The following PFKFB3 variants were observed in gnomAD, a reference collection of about 807,000 sequenced individuals.
PFKFB3 encodes the protein 6-phosphofructo-2-kinase/fructose-2,6-biphosphatase 3, also known as 6-phosphofructo-2-kinase/fructose-2,6-bisphosphatase 3.
PFKFB3 carries 33 observed loss-of-function variants against 68.0 expected under a neutral mutation model. That is an observed-to-expected ratio of 0.49 (90% CI 0.37 to 0.65). PFKFB3 has a LOEUF of 0.65. PFKFB3 is among the 30% of genes least tolerant of loss of function. The pLI, the probability that PFKFB3 is intolerant of heterozygous loss-of-function variation, is 0.00. For missense variants in PFKFB3, 586 were observed against 712.2 expected (o/e 0.82, Z 2.02); for synonymous variants, 315 against 288.2 (o/e 1.09, Z -0.94).
chr10:6,253,205 A>G (rs1846417608), intron 14 of PFKFB3, among the ~76,000 whole-genome samples: 1 of 152,226 alleles, frequency 6.6e-6, no homozygotes, highest in South Asian at 2.1e-4. Flanking sequence ...GGCATGAGCC[A>G]CCATGCCCGG....
At chr10:6,188,466 T>A (rs61551084) in intron 1 of PFKFB3, among the ~76,000 whole-genome samples, 1 of 151,590 alleles carries the variant, frequency 6.6e-6, no homozygotes, top group African/African-American at 2.4e-5. Context: ...TTTTAAACAT[T>A]TTTTTTCAAA....
the PFKFB3 span, among the ~76,000 whole-genome samples, chr10:6,296,761 C>A: frequency 6.6e-6 from 1 of 152,164 alleles, no homozygotes; most frequent in Non-Finnish European, 1.5e-5. Context: ...GTGAGGATGA[C>A]CAGAGGTCAC....
At chr10:6,176,872 C>G (rs1338536544) in intron 1 of PFKFB3, among the ~76,000 whole-genome samples, 2 of 152,160 alleles carry the variant, frequency 1.3e-5, no homozygotes, top group African/African-American at 4.8e-5. Context: ...ACAGAACCCT[C>G]TCTTCAAACA....
At chr10:6,207,372 G>A (rs1843859488) in intron 1 of PFKFB3, among the ~76,000 whole-genome samples, 1 of 152,254 alleles carries the variant, frequency 6.6e-6, no homozygotes, top group Non-Finnish European at 1.5e-5. Flanking sequence ...GTTGCAGTGA[G>A]CCGAGATGGC....
intron 1 of PFKFB3, among the ~76,000 whole-genome samples, chr10:6,175,740 C>T (rs1842445623): frequency 1.3e-5 from 2 of 152,210 alleles, no homozygotes. Flanking sequence ...ACCCAAATGG[C>T]CCGTAAGCAT....
At chr10:6,319,579 A>G in the PFKFB3 span, among the ~76,000 whole-genome samples, 11 of 152,206 alleles carry the variant, frequency 7.2e-5, no homozygotes, top group Non-Finnish European at 1.5e-4. Flanking sequence ...TGGTTACCCT[A>G]ACAGCCCAGA....
chr10:6,275,769 C>A, the PFKFB3 span, among the ~76,000 whole-genome samples: 1 of 152,292 alleles, frequency 6.6e-6, no homozygotes, highest in Non-Finnish European at 1.5e-5. This position sits in a 1 kb window ranked among gnomAD's most constrained non-coding sequence, Gnocchi z 4.9. Context: ...CATGGGCCAC[C>A]ACGCCCGGCT....
chr10:6,283,540 A>AGACGGAGGCCGGAAGACTCAGCCCACGCT, the PFKFB3 span, among the ~76,000 whole-genome samples: 2 of 151,036 alleles, frequency 1.3e-5, no homozygotes, highest in African/African-American at 4.9e-5. Context: ...CATGGGAGAA[A>AGACGGAGGCCGGAAGACTCAGCCCACGCT]GATGGAGGCT....
chr10:6,145,260 C>T (rs1049929147), intron 1 of PFKFB3, among the ~76,000 whole-genome samples: 1 of 151,998 alleles, frequency 6.6e-6, no homozygotes, highest in African/African-American at 2.4e-5. Context: ...CCCTCCGGCC[C>T]CACGCGTCCC....
chr10:6,241,396 A>G (rs1846137788), intron 14 of PFKFB3, among the ~76,000 whole-genome samples: 1 of 151,756 alleles, frequency 6.6e-6, no homozygotes, highest in African/African-American at 2.4e-5. Context: ...GTGTCTAACC[A>G]CTCTTACCAG....
At chr10:6,147,679 G>C (rs1841435195) in intron 1 of PFKFB3, among the ~76,000 whole-genome samples, 1 of 152,114 alleles carries the variant, frequency 6.6e-6, no homozygotes, top group African/African-American at 2.4e-5. Context: ...TGCAGAGAGG[G>C]AGCTGGGAGA....
At chr10:6,199,693 G>T (rs1166638407), upstream of PFKFB3, among the ~76,000 whole-genome samples, 12 of 107,934 alleles carry the variant, frequency 1.1e-4, no homozygotes, top group South Asian at 3.0e-4. Flanking sequence ...TGCAGAGATG[G>T]GGTTTCATGT....
At chr10:6,209,728 G>A (rs117276991) in intron 1 of PFKFB3, among the ~76,000 whole-genome samples, 7,474 of 150,254 alleles carry the variant, frequency 0.05, 268 homozygotes, top group Non-Finnish European at 0.071. Flanking sequence ...GCTGCCCAAA[G>A]TGCTGGGAGA....
In PFKFB3 at chr10:6,233,034, T is replaced by G. The variant is rs561001045; in HGVS notation, c.*92T>G. ...AGGCAAAACGTATCCTGAGGACTTC[T>G]TCCGGAGAGGGTGGGGTGGAGCAGC... On this transcript the variant is annotated 3_prime_UTR_variant, in exon 15 of 15. Coordinates refer to ENST00000379775, the MANE Select transcript of PFKFB3 (RefSeq NM_004566.4). 4 of 997,376 alleles carry G rather than the reference T, an allele frequency of 4.0e-6. No homozygotes were observed. The highest frequency in any genetic ancestry group is 4.8e-6 in the Non-Finnish European group (3 of 622,004). 61.8% of individuals were successfully genotyped at this position (997,376 alleles called of 1,614,324 possible).
At chr10:6,224,051 C>G (rs1564637738) in intron 12 of PFKFB3, 31 bp downstream of exon 12, 1 of 1,613,492 alleles carries the variant, frequency 6.2e-7, no homozygotes, top group African/African-American at 1.3e-5. Context: ...AGCCCTGTCC[C>G]CCTGAAGGTG....
At chr10:6,294,449 A>G in the PFKFB3 span, among the ~76,000 whole-genome samples, 1 of 151,460 alleles carries the variant, frequency 6.6e-6, no homozygotes, top group Non-Finnish European at 1.5e-5. Flanking sequence ...GTGCAGGGAA[A>G]CTCTCCTTTA....
upstream of PFKFB3, among the ~76,000 whole-genome samples, chr10:6,201,569 G>T (rs905146415): frequency 6.6e-5 from 10 of 151,708 alleles, no homozygotes; most frequent in Admixed American, 6.6e-5. This position sits in a 1 kb window ranked among gnomAD's most constrained non-coding sequence, Gnocchi z 4.1. Flanking sequence ...AGGCCCGGGT[G>T]GGGCGGGCGC....
chr10:6,204,284 C>T (rs1843545015), intron 1 of PFKFB3, among the ~76,000 whole-genome samples: 1 of 152,260 alleles, frequency 6.6e-6, no homozygotes, highest in Non-Finnish European at 1.5e-5. Context: ...CAGGGAGCCG[C>T]CTGGTGCGGT....
chr10:6,164,429 A>G (rs1191590526), intron 1 of PFKFB3, among the ~76,000 whole-genome samples: 2 of 152,236 alleles, frequency 1.3e-5, no homozygotes, highest in African/African-American at 4.8e-5. Flanking sequence ...TGTTTAACCC[A>G]GACATGGCAG....
Sources: gnomAD v4.1 joint callset for allele counts (sites outside exome capture counted in the v4.1 genomes callset) on GRCh38, gnomAD v4.1.1 for gene constraint, Gnocchi (gnomAD v3.1) non-coding constraint, MANE v1.5 for transcripts, NCBI Gene and HGNC (gene_info 2026-07-23, HGNC 2026-07-21) for gene names.